The following ANKEF1 variants were observed in gnomAD, a reference collection of about 807,000 sequenced individuals.
ANKEF1 encodes the protein ankyrin repeat and EF-hand domain-containing protein 1.
Under a neutral mutation model 65.1 loss-of-function variants are expected in ANKEF1, and 43 were observed. The ratio of observed to expected loss-of-function variants is 0.66; its 90% CI spans 0.52 to 0.85. The LOEUF is 0.85. ANKEF1 is among the 40% of genes least tolerant of loss of function. The probability of loss-of-function intolerance (pLI) is 0.00; values close to 1 mark genes in which losing one functional copy is unlikely to be tolerated. For synonymous variants in ANKEF1, 316 were observed against 341.5 expected, an observed-to-expected ratio of 0.93 and a Z score of 0.82; for missense variants, 934 against 952.9, an observed-to-expected ratio of 0.98 and a Z score of 0.26.
At position 10,038,271 on chromosome 20, in the gene ANKEF1, C is replaced by A. The variant is rs369147758; in HGVS notation, c.-31C>A. 8.0e-6 allele frequency: 11 copies of A among 1,379,838 alleles called. No individual in the cohort carries two copies. In the African/African-American group the frequency reaches 8.7e-5, roughly 11 times the overall value. The allele number at this position is 1,379,838 out of a possible 1,614,324, so 85.5% of individuals were successfully genotyped here. Reference sequence around the variant, plus strand: ...TTGTTGCTTCAGCTTTAGTTTTGGTCCAGAAAGCATTTTCAAGGAGCTGGT... The same window carrying A: ...TTGTTGCTTCAGCTTTAGTTTTGGTACAGAAAGCATTTTCAAGGAGCTGGT... On this transcript the variant is annotated 5_prime_UTR_variant, in exon 3 of 11. Coordinates refer to ENST00000378392, the MANE Select transcript of ANKEF1 (RefSeq NM_022096.6).
At chr20:10,037,529 C>G (rs1171277127) in intron 2 of ANKEF1, among the ~76,000 whole-genome samples, 2 of 152,190 alleles carry the variant, frequency 1.3e-5, no homozygotes, top group African/African-American at 4.8e-5. Context: ...TGGCAGGGGA[C>G]AGAAGGGACA....
At chr20:10,043,714 A>G (rs577076538) in intron 4 of ANKEF1, among the ~76,000 whole-genome samples, 14 of 126,326 alleles carry the variant, frequency 1.1e-4, no homozygotes, top group Admixed American at 5.2e-4. Flanking sequence ...GTTGGAGTGC[A>G]GTGGTCCAAT....
Position 10,050,128 on chromosome 20 carries a change from T to C in ANKEF1, c.1559T>C (p.Met520Thr), listed in dbSNP as rs142915673. The change falls in exon 7 of 11, where the codon ATG (methionine) becomes ACG (threonine). Residue 520 changes from methionine to threonine, a missense_variant. Physicochemically the swap from Met to Thr is moderately conservative, Grantham distance 81. Coordinates refer to ENST00000378392, the MANE Select transcript of ANKEF1 (RefSeq NM_022096.6). ...KAFESGIPVD[M>T]KDNYYKTPLM... The stretch of plus-strand genomic sequence containing the variant: ...TTTGAATCAGGAATACCTGTGGATA[T>C]GAAGGATAATTATTACAAAACTCCG... The C allele has an allele frequency of 9.7e-5, 156 of 1,614,142 alleles. 2 individuals carry two copies. In the African/African-American group the frequency reaches 1.7e-3, roughly 18 times the overall value.
rs1474743382 is a variant in ANKEF1 at position 10,057,938 on chromosome 20, G to A, written c.*2278G>A. The A allele has an allele frequency of 6.6e-6, 1 of 152,070 alleles. No individual in the cohort carries two copies. The highest frequency in any genetic ancestry group is 2.4e-5 in the African/African-American group (1 of 41,378). 9.4% of individuals were successfully genotyped at this position (152,070 alleles called of 1,614,324 possible). A position where few individuals can be genotyped will look rare whatever the true frequency, so the allele number is the denominator to read the frequency against. ...ATGACAGTATATAAGAAGAACACAA[G>A]CCACTTTTATCTTGTAAAATGTCTC... On this transcript the variant is annotated 3_prime_UTR_variant, in exon 11 of 11. Coordinates refer to ENST00000378392, the MANE Select transcript of ANKEF1 (RefSeq NM_022096.6).
At chr20:10,036,376 C>T (rs763719757) in intron 2 of ANKEF1, among the ~76,000 whole-genome samples, 2 of 149,920 alleles carry the variant, frequency 1.3e-5, no homozygotes, top group African/African-American at 2.5e-5. Flanking sequence ...GACACATATA[C>T]ATATGCAGTA....
chr20:10,038,445 A>G lies in ANKEF1; in HGVS notation c.144A>G (p.Gly48=), dbSNP rs575534. 952,087 of 1,613,720 alleles carry G rather than the reference A, an allele frequency of 0.59. 284,777 individuals are homozygous for G. Among genetic ancestry groups the G allele is most frequent in the African/African-American group, 0.73 (54,952 of 74,978 alleles). The change falls in exon 3 of 11, where the codon GGA becomes GGG. Residue 48 remains glycine (G), a synonymous_variant. Coordinates refer to ENST00000378392, the MANE Select transcript of ANKEF1 (RefSeq NM_022096.6). Reference sequence around the variant, plus strand: ...TCAATTATACAGAACCCATTAATGGACTTAGTGCTTTGCACTTAGCCTCAG... The same window carrying G: ...TCAATTATACAGAACCCATTAATGGGCTTAGTGCTTTGCACTTAGCCTCAG... ...ELINYTEPIN[G]LSALHLASVS...
At chr20:10,044,024 A>G (rs976557846) in intron 4 of ANKEF1, among the ~76,000 whole-genome samples, 3 of 151,990 alleles carry the variant, frequency 2.0e-5, no homozygotes, top group Admixed American at 2.0e-4. Flanking sequence ...CTTTCTTGAC[A>G]CTAAACATTG....
chr20:10,054,387 A>G, intron 9 of ANKEF1, 75 bp from the exon 10 acceptor site: 1 of 1,218,534 alleles, frequency 8.2e-7, no homozygotes, highest in Non-Finnish European at 1.1e-6. Flanking sequence ...TCAGAGTAAG[A>G]TGTGAAACAG....
At chr20:10,039,943 CAG>C (rs773365382) in intron 3 of ANKEF1, among the ~76,000 whole-genome samples, 13 of 151,800 alleles carry the variant, frequency 8.6e-5, no homozygotes, top group Admixed American at 3.9e-4. Flanking sequence ...GAGTTTGAAA[CAG>C]ATACAAATCA....
intron 3 of ANKEF1, among the ~76,000 whole-genome samples, chr20:10,041,986 C>T (rs1984221536): frequency 6.6e-6 from 1 of 151,856 alleles, no homozygotes; most frequent in Admixed American, 6.6e-5. Context: ...TTTGATTATA[C>T]TGTAGCATTG....
At chr20:10,051,525 G>A in intron 7 of ANKEF1, 138 bp from the exon 8 acceptor site, 3 of 638,038 alleles carry the variant, frequency 4.7e-6, no homozygotes, top group Non-Finnish European at 8.0e-6. Context: ...GCAGAACAAA[G>A]AGGTTTGAAG....
Position 10,049,655 on chromosome 20 carries a change from G to A in ANKEF1, c.1086G>A (p.Val362=). 1 of 1,614,170 alleles carries A rather than the reference G, an allele frequency of 6.2e-7. No individual in the cohort carries two copies. Among genetic ancestry groups the A allele is most frequent in the South Asian group, 1.1e-5 (1 of 91,082 alleles). ...TCAGCAAGAACGACTTCGTGATGGT[G>A]TTGGAGGAAAGGCAGGATTATGCAA... ...GSISKNDFVM[V]LEERQDYASS... is the part of the protein sequence containing the mutation. Residue 362 remains valine (V), a synonymous_variant, in exon 7 of 11, where the codon GTG becomes GTA. Transcript: ENST00000378392.
At chr20:10,051,334 T>C (rs1425427490) in intron 7 of ANKEF1, among the ~76,000 whole-genome samples, 1 of 152,222 alleles carries the variant, frequency 6.6e-6, no homozygotes, top group Non-Finnish European at 1.5e-5. Flanking sequence ...TGAAGTTTCA[T>C]TTAAAAATGT....
chr20:10,038,116 G>C (rs1469358641), intron 2 of ANKEF1, 142 bp from the exon 3 acceptor site: 12 of 440,502 alleles, frequency 2.7e-5, no homozygotes, highest in East Asian at 1.6e-4. Context: ...CAATATTTTT[G>C]ATATTTATGT....
At chr20:10,040,649 C>T (rs138108975) in intron 3 of ANKEF1, 76 of 152,236 alleles carry the variant, frequency 5.0e-4, no homozygotes, top group Middle Eastern at 3.4e-3. Flanking sequence ...TCCTCAATGC[C>T]GTATGCCAGT....
At chr20:10,035,468 C>T (rs916136789) in intron 1 of ANKEF1, 111 bp from the exon 2 acceptor site, 2 of 152,214 alleles carry the variant, frequency 1.3e-5, no homozygotes, top group African/African-American at 4.8e-5. Flanking sequence ...ATCGCTTACA[C>T]TTGTGGGTGA....
chr20:10,048,535 C>A (rs997821835), intron 6 of ANKEF1, among the ~76,000 whole-genome samples: 1 of 152,056 alleles, frequency 6.6e-6, no homozygotes, highest in Non-Finnish European at 1.5e-5. Context: ...CCATCGTATA[C>A]AATTTTAATT....
intron 6 of ANKEF1, among the ~76,000 whole-genome samples, chr20:10,049,176 T>C (rs964232713): frequency 3.3e-5 from 5 of 152,210 alleles, no homozygotes; most frequent in African/African-American, 1.2e-4. Context: ...ACGTATCTTC[T>C]TCAGAATTCA....
In ANKEF1 at chr20:10,057,177, C is replaced by G. The variant is rs1985220991; in HGVS notation, c.*1517C>G. On this transcript the variant is annotated 3_prime_UTR_variant, in exon 11 of 11. Coordinates refer to ENST00000378392, the MANE Select transcript of ANKEF1 (RefSeq NM_022096.6). Reference sequence around the variant, plus strand: ...TATGGATTAAACCCCTTTCCTCTAACCTCCTCCCTCTCTTTCCAACCTTGG... The same window carrying G: ...TATGGATTAAACCCCTTTCCTCTAAGCTCCTCCCTCTCTTTCCAACCTTGG... The G allele has an allele frequency of 6.6e-6, 1 of 151,860 alleles. No homozygotes were observed. Among genetic ancestry groups the G allele is most frequent in the African/African-American group, 2.4e-5 (1 of 41,134 alleles). 9.4% of individuals were successfully genotyped at this position (151,860 alleles called of 1,614,324 possible). A position where few individuals can be genotyped will look rare whatever the true frequency, so the allele number is the denominator to read the frequency against.
Sources: allele counts gnomAD v4.1 joint callset (sites outside exome capture counted in the v4.1 genomes callset), GRCh38; gene constraint gnomAD v4.1.1; transcripts MANE v1.5; gene names NCBI Gene and HGNC (gene_info 2026-07-23, HGNC 2026-07-21).